The following TUSC3 variants were observed in gnomAD, a reference collection of about 807,000 sequenced individuals.
TUSC3 encodes tumor suppressor candidate 3.
Under a neutral mutation model 44.8 loss-of-function variants are expected in TUSC3, and 45 were observed. That is an observed-to-expected ratio of 1.00 (90% CI 0.79 to 1.29). TUSC3 has a LOEUF of 1.29. TUSC3 is among the 50% of genes most tolerant of loss of function. The pLI, the probability that TUSC3 is intolerant of heterozygous loss-of-function variation, is 0.00. For synonymous variants in TUSC3, 212 were observed against 152.9 expected, an observed-to-expected ratio of 1.39 and a Z score of -2.85; for missense variants, 519 against 437.9, an observed-to-expected ratio of 1.19 and a Z score of -1.65.
intron 2 of TUSC3, among the ~76,000 whole-genome samples, chr8:15,514,057 G>T (rs925970363): frequency 2.0e-5 from 3 of 152,198 alleles, no homozygotes; most frequent in Admixed American, 1.3e-4. Context: ...GAACGTCAAG[G>T]TCCCTTCTAT....
At chr8:15,811,613 A>G in the TUSC3 span, among the ~76,000 whole-genome samples, 3 of 152,232 alleles carry the variant, frequency 2.0e-5, no homozygotes, top group Non-Finnish European at 4.4e-5. Context: ...TGAAAGGCAA[A>G]GAATTAGTGA....
the TUSC3 span, among the ~76,000 whole-genome samples, chr8:15,809,482 A>G: frequency 6.6e-6 from 1 of 150,410 alleles, no homozygotes; most frequent in African/African-American, 2.5e-5. Context: ...AGGTGGATAC[A>G]TTCCAAGACC....
chr8:15,487,701 C>T (rs1800751576), intron 2 of TUSC3, among the ~76,000 whole-genome samples: 1 of 152,138 alleles, frequency 6.6e-6, no homozygotes, highest in South Asian at 2.1e-4. Flanking sequence ...GCACATCTTT[C>T]TTTATATGCT....
chr8:15,651,618 T>C (rs932793963), intron 3 of TUSC3, among the ~76,000 whole-genome samples: 1 of 152,164 alleles, frequency 6.6e-6, no homozygotes, highest in African/African-American at 2.4e-5. Context: ...AGCGAGAAGA[T>C]GGTCACAGGC....
rs146091316 is a variant in TUSC3 at position 15,587,540 on chromosome 8, A to G, written c.139-35540A>G. ...AATCAGGGTAATTAGCATATCCAGC[A>G]CCCCAAATATTTATCATGTCTTTGT... is the stretch of plus-strand genomic sequence containing the variant. On this transcript the variant is annotated intron_variant, in intron 1 of 10. Coordinates refer to ENST00000503731, the MANE Select transcript of TUSC3 (RefSeq NM_006765.4). Among the ~76,000 whole-genome samples, 685 of 152,262 alleles carry G rather than the reference A, an allele frequency of 4.5e-3. 4 individuals are homozygous for G. Among genetic ancestry groups the G allele is most frequent in the African/African-American group, 0.016 (651 of 41,548 alleles).
At chr8:15,688,008 G>A (rs1808714278) in intron 6 of TUSC3, among the ~76,000 whole-genome samples, 1 of 151,976 alleles carries the variant, frequency 6.6e-6, no homozygotes, top group Non-Finnish European at 1.5e-5. Context: ...CATCAGAGGA[G>A]AAAGGATAAG....
intron 1 of TUSC3, among the ~76,000 whole-genome samples, chr8:15,555,898 A>G (rs1236412836): frequency 2.0e-5 from 3 of 151,624 alleles, no homozygotes; most frequent in Non-Finnish European, 4.4e-5. Context: ...AATAATTTAT[A>G]GTTCTCTGAT....
chr8:15,605,621 A>G (rs1485500221), intron 1 of TUSC3, among the ~76,000 whole-genome samples: 1 of 151,934 alleles, frequency 6.6e-6, no homozygotes, highest in Non-Finnish European at 1.5e-5. Context: ...AAAAAAATGG[A>G]GAAAAAAGTC....
At chr8:15,696,432 G>C (rs1416986607) in intron 6 of TUSC3, among the ~76,000 whole-genome samples, 1 of 152,224 alleles carries the variant, frequency 6.6e-6, no homozygotes, top group African/African-American at 2.4e-5. Flanking sequence ...GCAGAAGTTT[G>C]ATGCAGGGGT....
intron 6 of TUSC3, among the ~76,000 whole-genome samples, chr8:15,713,285 A>G (rs1013449344): frequency 6.6e-6 from 1 of 152,148 alleles, no homozygotes; most frequent in Non-Finnish European, 1.5e-5. Context: ...ACACATATTT[A>G]CACTTGTAAG....
the TUSC3 span, among the ~76,000 whole-genome samples, chr8:15,844,430 C>A: frequency 6.6e-6 from 1 of 151,740 alleles, no homozygotes; most frequent in Non-Finnish European, 1.5e-5. Context: ...TAATATGTGG[C>A]CTAATAAATC....
chr8:15,738,827 C>CTTTTTTTTTTTCTTTCTTTT (rs1811050249), intron 7 of TUSC3, among the ~76,000 whole-genome samples: 22 of 87,200 alleles, frequency 2.5e-4, no homozygotes, highest in African/African-American at 8.2e-4. Context: ...ATATATCTTG[C>CTTTTTTTTTTTCTTTCTTTT]TTTTTTTTTT....
At position 15,727,025 on chromosome 8, in the gene TUSC3, C is replaced by G. The variant is rs538558657; in HGVS notation, c.799-3641C>G. 3.9e-5 allele frequency among the ~76,000 whole-genome samples: 6 copies of G among 152,090 alleles called. No homozygotes were observed. In the South Asian group the frequency reaches 1.2e-3, roughly 32 times the overall value. On this transcript the variant is annotated intron_variant, in intron 6 of 10. Coordinates refer to ENST00000503731, the MANE Select transcript of TUSC3 (RefSeq NM_006765.4). ...AATAAATTATCCTGAGTTACTGATA[C>G]GTCCCTCACTCATGAGAATTAGTAA... is the stretch of plus-strand genomic sequence containing the variant.
At chr8:15,581,507 C>T (rs1365311244) in intron 1 of TUSC3, among the ~76,000 whole-genome samples, 1 of 147,190 alleles carries the variant, frequency 6.8e-6, no homozygotes, top group Admixed American at 6.7e-5. Context: ...GTGTGGATGT[C>T]CTTTCTGTTT....
intron 2 of TUSC3, among the ~76,000 whole-genome samples, chr8:15,629,535 G>C (rs763985169): frequency 2.0e-5 from 3 of 148,104 alleles, no homozygotes; most frequent in Non-Finnish European, 4.4e-5. Context: ...AAGGGACCCT[G>C]TCATTTGCGG....
intron 1 of TUSC3, among the ~76,000 whole-genome samples, chr8:15,549,713 GT>G (rs1487552538): frequency 1.3e-5 from 2 of 151,554 alleles, no homozygotes; most frequent in African/African-American, 4.8e-5. Flanking sequence ...GGGAGTAAAA[GT>G]TTTTCTCGTA....
chr8:15,444,917 A>T (rs766037653), intron 1 of TUSC3, among the ~76,000 whole-genome samples: 23 of 152,206 alleles, frequency 1.5e-4, no homozygotes, highest in Non-Finnish European at 2.9e-4. Flanking sequence ...GAAGGGAGGT[A>T]AGAGCAGAGC....
chr8:15,794,435 T>C, the TUSC3 span, among the ~76,000 whole-genome samples: 3 of 152,174 alleles, frequency 2.0e-5, no homozygotes, highest in African/African-American at 7.2e-5. Flanking sequence ...TCTAACATAA[T>C]TTGAATGCAC....
At chr8:15,779,652 G>A in the TUSC3 span, among the ~76,000 whole-genome samples, 3 of 152,230 alleles carry the variant, frequency 2.0e-5, no homozygotes, top group African/African-American at 7.2e-5. Context: ...TGTAACATAT[G>A]CCTAGCATTT....
Sources: gnomAD v4.1 joint callset for allele counts (sites outside exome capture counted in the v4.1 genomes callset) on GRCh38, gnomAD v4.1.1 for gene constraint, MANE v1.5 for transcripts, NCBI Gene and HGNC (gene_info 2026-07-23, HGNC 2026-07-21) for gene names.